The following C3 variants were observed in gnomAD, a reference collection of about 807,000 sequenced individuals.
C3 encodes C3 and PZP-like alpha-2-macroglobulin domain-containing protein 1.
C3 carries 97 observed loss-of-function variants against 207.9 expected under a neutral mutation model. The observed-to-expected ratio is 0.47, with a 90% CI of 0.40 to 0.55. The LOEUF (loss-of-function observed/expected upper bound fraction) is 0.55, where lower values mean the gene tolerates loss of function less well. C3 is among the 20% of genes least tolerant of loss of function. C3 has a pLI of 0.00. For synonymous variants in C3, 848 were observed against 857.6 expected (o/e 0.99, Z 0.20); for missense variants, 1,684 against 2,171.7 (o/e 0.78, Z 4.46).
chr19:6,709,611 T>TTTCCCCCCCCCCCCCCCCCCC, intron 14 of C3, 73 bp downstream of exon 14: 1 of 1,109,448 alleles, frequency 9.0e-7, no homozygotes, highest in Admixed American at 1.8e-5. Context: ...CCCTCTCCAG[T>TTTCCCCCCCCCCCCCCCCCCC]CCCACCCACC....
Position 6,677,825 on chromosome 19 carries a change from T to A in C3, c.*57A>T, listed in dbSNP as rs1917745992. 1 of 1,608,294 alleles carries A rather than the reference T, an allele frequency of 6.2e-7. No individual in the cohort carries two copies. On this transcript the variant is annotated 3_prime_UTR_variant, in exon 41 of 41. Transcript: ENST00000245907. ...CAGCCTCTCCCTCTTGGCAAAGAAC[T>A]CCAGACACGTGAGATATAACTGAAG...
chr19:6,707,235 C>T lies in C3; in HGVS notation c.2086G>A (p.Asp696Asn). The T allele has an allele frequency of 6.2e-7, 1 of 1,613,152 alleles. No individual in the cohort carries two copies. Among genetic ancestry groups the T allele is most frequent in the South Asian group, 1.1e-5 (1 of 90,966 alleles). Residue 696 changes from aspartate (D) to asparagine (N), a missense_variant, in exon 17 of 41, where the codon GAC becomes AAC. Asp to Asn is a conservative substitution (Grantham distance 23). Around this residue, in one of 3 missense-constraint regions of C3, gnomAD observed 1,280 missense variants for 1,739.1 expected, o/e 0.74. Transcript: ENST00000245907. ...YPKELRKCCE[D>N]GMRENPMRFS... is the part of the protein sequence containing the mutation. ...CTCATGGGGTTCTCCCGCATGCCGTCCTCGCAGCACTTGCGCAGCTCCTTG... is the reference window on the plus strand; with the variant it reads ...CTCATGGGGTTCTCCCGCATGCCGTTCTCGCAGCACTTGCGCAGCTCCTTG...
rs141661874 is a variant in C3, at chr19:6,678,164, C to T, written c.4838G>A (p.Gly1613Glu). 6.2e-7 allele frequency: 1 copy of T among 1,614,062 alleles called. No homozygotes were observed. The highest frequency in any genetic ancestry group is 1.3e-5 in the African/African-American group (1 of 74,918). Residue 1613 changes from glycine to glutamate, a missense_variant, in exon 40 of 41, where the codon GGA becomes GAA. By Grantham distance (98) the Gly-to-Glu change is moderately conservative. Around this residue, in one of 3 missense-constraint regions of C3, gnomAD observed 346 missense variants for 380.1 expected, o/e 0.91. Coordinates refer to ENST00000245907, the MANE Select transcript of C3 (RefSeq NM_000064.4). ...GGAAAGCACTCACTTGGGCTTCTCT[C>T]CCCAGAAATCGGAGGAGAGACCCCA... ...LMWGLSSDFW[G>E]EKPNLSYIIG...
intron 24 of C3, among the ~76,000 whole-genome samples, chr19:6,693,828 AG>A (rs1215386668): frequency 6.6e-6 from 1 of 151,806 alleles, no homozygotes; most frequent in Non-Finnish European, 1.5e-5. Context: ...CTGGGACAGG[AG>A]GTGGCGCCTC....
intron 23 of C3, among the ~76,000 whole-genome samples, 173 bp from the exon 24 acceptor site, chr19:6,694,807 G>A (rs905907482): frequency 2.6e-5 from 4 of 152,134 alleles, no homozygotes; most frequent in Non-Finnish European, 2.9e-5. Context: ...GTGGCTGTTC[G>A]GGGGTCTGCA....
chr19:6,701,054 T>C (rs1967663863), intron 19 of C3, among the ~76,000 whole-genome samples: 1 of 151,796 alleles, frequency 6.6e-6, no homozygotes, highest in Admixed American at 6.6e-5. Context: ...GGAAAAGAAG[T>C]CCCAGACAGG....
intron 19 of C3, among the ~76,000 whole-genome samples, chr19:6,701,306 T>C (rs143349701): frequency 1.3e-3 from 196 of 152,218 alleles, no homozygotes; most frequent in African/African-American, 4.4e-3. Context: ...AGATTTTCGA[T>C]GCTAATGAGA....
chr19:6,702,873 A>G, intron 17 of C3: 1 of 362,220 alleles, frequency 2.8e-6, no homozygotes, highest in African/African-American at 2.1e-5. Flanking sequence ...ATCTCTACTA[A>G]AAACACAAAA....
Position 6,707,578 on chromosome 19 carries a change from C to T in C3, c.1976-41G>A, listed in dbSNP as rs188154940. ...ACCGAGAAGAAGATGGATGAGGCAC[C>T]TACTAGGTGTCCTCGGTTCACCCCT... On this transcript the variant is annotated intron_variant, in intron 15 of 40. Coordinates refer to ENST00000245907, the MANE Select transcript of C3 (RefSeq NM_000064.4). 12 of 1,608,770 alleles carry T rather than the reference C, an allele frequency of 7.5e-6. No homozygotes were observed. The Admixed American group carries it at 1.7e-4, about 22-fold the overall frequency.
At position 6,712,607 on chromosome 19, in the gene C3, C is replaced by T. The variant is rs2145430008; in HGVS notation, c.1020G>A (p.Gln340=). 1 of 1,614,092 alleles carries T rather than the reference C, an allele frequency of 6.2e-7. No individual in the cohort carries two copies. The highest frequency in any genetic ancestry group is 2.2e-5 in the East Asian group (1 of 44,880). The change falls in exon 10 of 41, where the codon CAG becomes CAA. Residue 340 remains glutamine, a synonymous_variant. Transcript: ENST00000245907. ...CGATGGGGATCCCGCTGCGCTCTGC[C>T]TGCACCATGTCACTGCCTGAGGGGA... The part of the protein sequence containing the change: ...VILHSGSDMV[Q]AERSGIPIVT...
chr19:6,693,304 C>T (rs1313784078), intron 25 of C3, 108 bp downstream of exon 25: 1 of 1,212,382 alleles, frequency 8.2e-7, no homozygotes, highest in Non-Finnish European at 1.2e-6. Context: ...AGGTCCAGGG[C>T]TGTTTGGGCA....
chr19:6,681,881 A>C, intron 35 of C3, 60 bp downstream of exon 35: 1 of 1,225,624 alleles, frequency 8.2e-7, no homozygotes, highest in Non-Finnish European at 1.2e-6. Context: ...AAGAAAGACC[A>C]GCCAGATAGA....
intron 23 of C3, 33 bp from the exon 24 acceptor site, chr19:6,694,667 C>G: frequency 6.3e-7 from 1 of 1,597,040 alleles, no homozygotes; most frequent in Non-Finnish European, 8.5e-7. Flanking sequence ...GTTGCTCAAG[C>G]CAGGTGGGTG....
rs773558774 is a variant in C3 at position 6,679,119 on chromosome 19, A to G, written c.4630+6T>C. On this transcript the variant is annotated splice_donor_region_variant and intron_variant, in intron 38 of 40. Transcript: ENST00000245907. Reference sequence around the variant, plus strand: ...CATGCGTGACCCCCACCCATCACCCACTCACCATAGTCCACTCCTGGCTCA... The same window carrying G: ...CATGCGTGACCCCCACCCATCACCCGCTCACCATAGTCCACTCCTGGCTCA... 5 of 1,609,432 alleles carry G rather than the reference A, an allele frequency of 3.1e-6. No homozygotes were observed. Among genetic ancestry groups the G allele is most frequent in the African/African-American group, 1.3e-5 (1 of 74,756 alleles).
At position 6,689,306 on chromosome 19, in the gene C3, T is replaced by TTCTC. The variant is rs1568213369; in HGVS notation, c.3489+1322_3489+1323insGAGA. On this transcript the variant is annotated intron_variant, in intron 27 of 40. Coordinates refer to ENST00000245907, the MANE Select transcript of C3 (RefSeq NM_000064.4). Reference sequence around the variant, plus strand: ...TGTCTGACCCCACCTCTCCTCTCTCTCTCTCTCTCTCTCTCTACCTACCTC... The same window carrying TTCTC: ...TGTCTGACCCCACCTCTCCTCTCTCTTCTCCTCTCTCTCTCTCTCTACCTACCTC... 2.2e-4 allele frequency among the ~76,000 whole-genome samples: 25 copies of TTCTC among 116,132 alleles called. 2 individuals are homozygous for TTCTC. The East Asian group carries it at 3.0e-3, about 14-fold the overall frequency. 76.2% of individuals were successfully genotyped at this position (116,132 alleles called of 152,430 possible).
chr19:6,701,079 C>T (rs946194759), intron 19 of C3, among the ~76,000 whole-genome samples: 2 of 151,960 alleles, frequency 1.3e-5, no homozygotes, highest in African/African-American at 2.4e-5. Flanking sequence ...CTACTGACAG[C>T]GCTGCTCACT....
At chr19:6,689,909 G>T (rs556632871) in intron 27 of C3, among the ~76,000 whole-genome samples, 75 of 152,288 alleles carry the variant, frequency 4.9e-4, no homozygotes, top group African/African-American at 1.7e-3. Context: ...TTGAACCTGG[G>T]AGGCAAAGGG....
At chr19:6,706,197 AGT>A (rs2054392922) in intron 17 of C3, among the ~76,000 whole-genome samples, 1 of 152,190 alleles carries the variant, frequency 6.6e-6, no homozygotes, top group African/African-American at 2.4e-5. Flanking sequence ...ATTGGTAATT[AGT>A]GTGTGACCAG....
intron 34 of C3, 41 bp from the exon 35 acceptor site, chr19:6,682,071 C>T: frequency 1.9e-6 from 3 of 1,602,716 alleles, no homozygotes; most frequent in Non-Finnish European, 2.6e-6. Context: ...CTCCTGGACC[C>T]CTCTCTCCCT....
Sources: gnomAD v4.1 joint callset for allele counts (sites outside exome capture counted in the v4.1 genomes callset) on GRCh38, gnomAD v4.1.1 for gene constraint, gnomAD v4.1.1 regional missense constraint, MANE v1.5 for transcripts, NCBI Gene and HGNC (gene_info 2026-07-23, HGNC 2026-07-21) for gene names.